Variants in URI1 observed in about 807,000 individuals in gnomAD.
URI1 encodes the protein URI1 prefoldin like chaperone, also known as unconventional prefoldin RPB5 interactor 1.
URI1 carries 39 observed loss-of-function variants against 60.2 expected under a neutral mutation model. That is an observed-to-expected ratio of 0.65 (90% confidence interval 0.50 to 0.85). The LOEUF (loss-of-function observed/expected upper bound fraction) is 0.85. URI1 is among the 40% of genes least tolerant of loss of function. The probability of loss-of-function intolerance (pLI) is 0.00; values close to 1 mark genes in which losing one functional copy is unlikely to be tolerated. For missense variants in URI1, 691 were observed against 665.9 expected (o/e 1.04, Z -0.42); for synonymous variants, 251 against 236.8 (o/e 1.06, Z -0.55).
intron 1 of URI1, among the ~76,000 whole-genome samples, chr19:29,943,361 A>C (rs2055057536): frequency 6.6e-6 from 1 of 152,188 alleles, no homozygotes; most frequent in Admixed American, 6.5e-5. Flanking sequence ...TTATATAAAG[A>C]AGTATTCCCA....
At chr19:29,938,771 G>C (rs1181274983), upstream of URI1, among the ~76,000 whole-genome samples, 1 of 151,972 alleles carries the variant, frequency 6.6e-6, no homozygotes, top group African/African-American at 2.4e-5. Flanking sequence ...CTGCCTCCCG[G>C]GTTCATGCCA....
chr19:29,968,743 T>G (rs1405471155), intron 1 of URI1, among the ~76,000 whole-genome samples: 1 of 151,664 alleles, frequency 6.6e-6, no homozygotes, highest in East Asian at 1.9e-4. Context: ...GGCCATTTTT[T>G]TGTATTTTTA....
At chr19:29,950,262 G>A (rs975778147) in intron 1 of URI1, among the ~76,000 whole-genome samples, 3 of 152,048 alleles carry the variant, frequency 2.0e-5, no homozygotes, top group African/African-American at 4.8e-5. Context: ...CCAAAACACT[G>A]GGGGGAAAGG....
At chr19:29,987,562 AC>A (rs1187318434) in intron 4 of URI1, among the ~76,000 whole-genome samples, 2 of 152,174 alleles carry the variant, frequency 1.3e-5, no homozygotes, top group African/African-American at 4.8e-5. Flanking sequence ...TTTCTTAAAG[AC>A]CTTACTGAAG....
chr19:30,007,434 C>G, intron 6 of URI1, 36 bp from the exon 7 acceptor site: 1 of 1,602,158 alleles, frequency 6.2e-7, no homozygotes, highest in Non-Finnish European at 8.5e-7. Flanking sequence ...TTTATGTTGG[C>G]TATTAACAGC....
At chr19:29,965,673 A>C (rs899099482) in intron 1 of URI1, among the ~76,000 whole-genome samples, 4 of 152,206 alleles carry the variant, frequency 2.6e-5, no homozygotes, top group Non-Finnish European at 5.9e-5. Flanking sequence ...CCCTCCAAAC[A>C]TGTAAACGTC....
intron 10 of URI1, among the ~76,000 whole-genome samples, chr19:30,013,801 C>G (rs866328479): frequency 2.6e-5 from 4 of 152,018 alleles, no homozygotes; most frequent in Non-Finnish European, 5.9e-5. Flanking sequence ...CTATGCTCAT[C>G]GTGATAAAGT....
intron 4 of URI1, among the ~76,000 whole-genome samples, chr19:29,988,204 C>T (rs951219724): frequency 3.3e-5 from 5 of 150,748 alleles, no homozygotes; most frequent in African/African-American, 1.2e-4. Flanking sequence ...CTCTTTTATT[C>T]ACATGGTTTT....
intron 1 of URI1, among the ~76,000 whole-genome samples, chr19:29,962,358 T>C (rs886779202): frequency 1.9e-4 from 29 of 151,232 alleles, no homozygotes; most frequent in African/African-American, 7.0e-4. Context: ...ACTTTTATAC[T>C]GTACTTATGG....
chr19:29,998,896 C>T (rs142651151), intron 4 of URI1, among the ~76,000 whole-genome samples: 1 of 152,042 alleles, frequency 6.6e-6, no homozygotes, highest in Non-Finnish European at 1.5e-5. Flanking sequence ...TTCTATATTA[C>T]TGCCTTCCTT....
intron 1 of URI1, among the ~76,000 whole-genome samples, chr19:29,961,284 A>AACTCTGTTCATT (rs2055320405): frequency 6.7e-6 from 1 of 150,304 alleles, no homozygotes; most frequent in Non-Finnish European, 1.5e-5. Context: ...GCAAAACTGA[A>AACTCTGTTCATT]ACTCTGTTCA....
intron 4 of URI1, among the ~76,000 whole-genome samples, chr19:29,997,262 G>C (rs1275202579): frequency 6.6e-6 from 1 of 152,118 alleles, no homozygotes; most frequent in Non-Finnish European, 1.5e-5. Flanking sequence ...AGTCTATTCA[G>C]ATTTCAGTTT....
intron 1 of URI1, among the ~76,000 whole-genome samples, chr19:29,924,725 A>G (rs1375293593): frequency 6.6e-6 from 1 of 152,244 alleles, no homozygotes; most frequent in African/African-American, 2.4e-5. Flanking sequence ...TGACCAGACC[A>G]TGCCCCTGTG....
chr19:29,990,390 T>C (rs569336026), intron 4 of URI1, among the ~76,000 whole-genome samples: 24 of 152,322 alleles, frequency 1.6e-4, no homozygotes, highest in Non-Finnish European at 3.1e-4. Context: ...GTTCCACACC[T>C]AGATAGTATT....
At chr19:30,005,149 A>G (rs886788334) in intron 4 of URI1, among the ~76,000 whole-genome samples, 1 of 152,098 alleles carries the variant, frequency 6.6e-6, no homozygotes, top group Non-Finnish European at 1.5e-5. Context: ...TATGTTAGAC[A>G]TTTTATTACG....
intron 2 of URI1, among the ~76,000 whole-genome samples, chr19:29,973,512 A>C (rs2055484506): frequency 1.3e-5 from 2 of 152,266 alleles, no homozygotes; most frequent in South Asian, 4.1e-4. Context: ...TGAAAAATGC[A>C]TTCTTATGCT....
At chr19:29,929,333 A>C (rs1274266094) in intron 1 of URI1, among the ~76,000 whole-genome samples, 1 of 150,180 alleles carries the variant, frequency 6.7e-6, no homozygotes, top group Non-Finnish European at 1.5e-5. Context: ...GCGGTGACTC[A>C]TGCCTGTAAT....
In URI1 at chr19:29,986,300, G is replaced by T; in HGVS notation, c.250G>T (p.Ala84Ser). 2 of 1,589,682 alleles carry T rather than the reference G, an allele frequency of 1.3e-6. No individual in the cohort carries two copies. The highest frequency in any genetic ancestry group is 1.7e-6 in the Non-Finnish European group (2 of 1,172,450). Residue 84 changes from alanine (A) to serine (S), a missense_variant, in exon 4 of 11, where the codon GCC (alanine) becomes TCC (serine). Ala to Ser is a moderately conservative substitution (Grantham distance 99). Transcript: ENST00000392271. The part of the protein sequence containing the change: ...YNIMVPFGPF[A>S]FMPGKLVHTN... ...ACAATAGGTACCATTTGGCCCTTTT[G>T]CCTTCATGCCAGGAAAACTTGTCCA...
At chr19:29,929,516 G>A (rs1015956154) in intron 1 of URI1, among the ~76,000 whole-genome samples, 4 of 152,140 alleles carry the variant, frequency 2.6e-5, no homozygotes, top group Non-Finnish European at 5.9e-5. Context: ...AGAATGGCTT[G>A]AACCCAGGAG....
Sources: allele counts gnomAD v4.1 joint callset (sites outside exome capture counted in the v4.1 genomes callset), GRCh38; gene constraint gnomAD v4.1.1; transcripts MANE v1.5; gene names NCBI Gene and HGNC (gene_info 2026-07-23, HGNC 2026-07-21).